The following GRM8 variants were observed in gnomAD, a reference collection of about 807,000 sequenced individuals.
GRM8 encodes metabotropic glutamate receptor 8.
A neutral mutation model predicts 87.2 loss-of-function variants in GRM8; 47 were observed. The observed-to-expected ratio is 0.54, with a 90% CI of 0.43 to 0.69. The LOEUF (loss-of-function observed/expected upper bound fraction) is 0.69. GRM8 is among the 30% of genes least tolerant of loss of function. The pLI, the probability that GRM8 is intolerant of heterozygous loss-of-function variation, is 0.00. For synonymous variants in GRM8, 396 were observed against 404.5 expected, an observed-to-expected ratio of 0.98 and a Z score of 0.25; for missense variants, 1,019 against 1,139.2, an observed-to-expected ratio of 0.89 and a Z score of 1.52.
At chr7:127,072,082 A>G (rs1398949614) in intron 3 of GRM8, among the ~76,000 whole-genome samples, 1 of 151,928 alleles carries the variant, frequency 6.6e-6, no homozygotes, top group East Asian at 1.9e-4. Flanking sequence ...GGTGAGGTTT[A>G]TGCTGTTTTC....
At chr7:126,845,603 ATC>A (rs1796646979) in intron 6 of GRM8, among the ~76,000 whole-genome samples, 1 of 152,198 alleles carries the variant, frequency 6.6e-6, no homozygotes, top group Non-Finnish European at 1.5e-5. Flanking sequence ...CATTTGTACA[ATC>A]TCATACCAAT....
chr7:126,658,568 A>G (rs951106119), intron 7 of GRM8, among the ~76,000 whole-genome samples: 1 of 151,886 alleles, frequency 6.6e-6, no homozygotes, highest in African/African-American at 2.4e-5. Flanking sequence ...CAATACTGCA[A>G]CCTGGTCCAA....
At chr7:126,651,394 C>G (rs113797790) in intron 7 of GRM8, among the ~76,000 whole-genome samples, 3,685 of 152,274 alleles carry the variant, frequency 0.024, 137 homozygotes, top group African/African-American at 0.085. Context: ...GCAAAGTCCT[C>G]TGGAAGGCTG....
intron 8 of GRM8, among the ~76,000 whole-genome samples, chr7:126,588,562 T>C (rs1318120795): frequency 6.6e-6 from 1 of 152,058 alleles, no homozygotes; most frequent in Non-Finnish European, 1.5e-5. Flanking sequence ...CAGATGCCCA[T>C]CAGTGGTGAA....
chr7:126,533,984 A>C, intron 8 of GRM8, 97 bp from the exon 9 acceptor site: 1 of 859,298 alleles, frequency 1.2e-6, no homozygotes, highest in Non-Finnish European at 1.8e-6. Context: ...GAATGCTGAC[A>C]GTACAAATAC....
chr7:126,606,646 C>T (rs1432410438), intron 8 of GRM8, among the ~76,000 whole-genome samples: 1 of 152,172 alleles, frequency 6.6e-6, no homozygotes, highest in Non-Finnish European at 1.5e-5. Context: ...AACCTCTCTC[C>T]ACAGTGCAAT....
intron 7 of GRM8, among the ~76,000 whole-genome samples, chr7:126,667,834 G>C (rs1158358866): frequency 6.6e-6 from 1 of 152,224 alleles, no homozygotes; most frequent in Admixed American, 6.5e-5. Flanking sequence ...GGTGTCACCA[G>C]TGCATCCAGA....
chr7:126,906,331 T>C (rs1802669548), intron 3 of GRM8, among the ~76,000 whole-genome samples: 1 of 152,152 alleles, frequency 6.6e-6, no homozygotes, highest in South Asian at 2.1e-4. Context: ...TTTTATTTTT[T>C]AGATATGGGG....
chr7:126,876,724 C>T (rs550320142), intron 6 of GRM8, among the ~76,000 whole-genome samples: 27 of 152,130 alleles, frequency 1.8e-4, no homozygotes, highest in Non-Finnish European at 3.2e-4. Flanking sequence ...TTTCAGCTAG[C>T]GTTTTCAATG....
At chr7:127,100,195 T>C (rs562692908) in intron 3 of GRM8, among the ~76,000 whole-genome samples, 34 of 152,306 alleles carry the variant, frequency 2.2e-4, no homozygotes, top group East Asian at 1.3e-3. Context: ...TATTTTACTA[T>C]AAAATGCCTC....
intron 8 of GRM8, among the ~76,000 whole-genome samples, chr7:126,594,046 T>G (rs1430774896): frequency 6.6e-6 from 1 of 152,002 alleles, no homozygotes; most frequent in African/African-American, 2.4e-5. Context: ...CATAATGAGG[T>G]ATCACTTCAC....
At chr7:126,473,347 A>T (rs1315578728) in intron 9 of GRM8, among the ~76,000 whole-genome samples, 1 of 152,224 alleles carries the variant, frequency 6.6e-6, no homozygotes, top group Non-Finnish European at 1.5e-5. Flanking sequence ...ATGTAGTCAA[A>T]GGAGATCATT....
At chr7:127,165,153 T>C (rs1175533000) in intron 2 of GRM8, among the ~76,000 whole-genome samples, 1 of 46,458 alleles carries the variant, frequency 2.2e-5, no homozygotes, top group Non-Finnish European at 4.0e-5. Flanking sequence ...TATATATATA[T>C]ATATATATAT....
chr7:126,947,585 C>CA (rs770686503), intron 3 of GRM8, among the ~76,000 whole-genome samples: 2 of 151,492 alleles, frequency 1.3e-5, no homozygotes, highest in Non-Finnish European at 2.9e-5. Flanking sequence ...TATATATATA[C>CA]ATATATATGT....
chr7:126,699,918 G>A (rs1338523954), intron 7 of GRM8, among the ~76,000 whole-genome samples: 1 of 152,164 alleles, frequency 6.6e-6, no homozygotes, highest in Non-Finnish European at 1.5e-5. Context: ...TGAGATCTAG[G>A]TCTATTGATG....
At chr7:126,507,653 A>T (rs1161432011) in intron 9 of GRM8, among the ~76,000 whole-genome samples, 1 of 151,996 alleles carries the variant, frequency 6.6e-6, no homozygotes, top group Non-Finnish European at 1.5e-5. Flanking sequence ...TCTGAAATCT[A>T]ATTTGTATTT....
intron 7 of GRM8, among the ~76,000 whole-genome samples, chr7:126,625,863 T>C (rs1178707495): frequency 6.6e-6 from 1 of 152,036 alleles, no homozygotes; most frequent in Non-Finnish European, 1.5e-5. Flanking sequence ...AGGTAATATA[T>C]CTTAAAATGA....
chr7:126,550,774 A>G (rs1316220271), intron 8 of GRM8, among the ~76,000 whole-genome samples: 1 of 151,858 alleles, frequency 6.6e-6, no homozygotes, highest in Admixed American at 6.5e-5. Flanking sequence ...GGCACAAATG[A>G]TACATAATAC....
chr7:126,465,100 G>A (rs1804336058), intron 9 of GRM8: 1 of 151,514 alleles, frequency 6.6e-6, no homozygotes, highest in Non-Finnish European at 1.5e-5. Flanking sequence ...CCTCCATTGT[G>A]ACCATTATCA....
Sources: allele counts gnomAD v4.1 joint callset (sites outside exome capture counted in the v4.1 genomes callset), GRCh38; gene constraint gnomAD v4.1.1; transcripts MANE v1.5; gene names NCBI Gene and HGNC (gene_info 2026-07-23, HGNC 2026-07-21).